The following LRRC69 variants were observed in gnomAD, a reference collection of about 807,000 sequenced individuals.
LRRC69 encodes leucine rich repeat containing 69, also known as leucine-rich repeat-containing protein 69.
Under a neutral mutation model 37.8 loss-of-function variants are expected in LRRC69, and 42 were observed. The observed-to-expected ratio is 1.11, with a 90% confidence interval of 0.87 to 1.44. The LOEUF is 1.44. Ranked by LOEUF, LRRC69 falls within the 40% of genes most tolerant of loss-of-function variation. The pLI is 0.00. For missense variants in LRRC69, 357 were observed against 401.9 expected (o/e 0.89, Z 0.96); for synonymous variants, 141 against 143.1 (o/e 0.99, Z 0.11).
chr8:91,112,267 G>T (rs571547606), intron 1 of LRRC69, among the ~76,000 whole-genome samples: 1 of 151,972 alleles, frequency 6.6e-6, no homozygotes, highest in South Asian at 2.1e-4. Context: ...CCAGCTCTGC[G>T]GCTGCTCTGC....
rs771986461 is a variant in LRRC69, at chr8:91,176,134, A to AT, written c.652-13376dup. Among the ~76,000 whole-genome samples, 55 of 75,704 alleles carry AT rather than the reference A, an allele frequency of 7.3e-4. 2 individuals are homozygous for AT. The highest frequency in any genetic ancestry group is 3.1e-3 in the African/African-American group (51 of 16,436). 49.7% of individuals were successfully genotyped at this position (75,704 alleles called of 152,430 possible). On this transcript the variant is annotated intron_variant, in intron 5 of 7. Transcript: ENST00000448384. The stretch of plus-strand genomic sequence containing the variant: ...ATCCCTCATATATATATATATATAT[A>AT]TTTTTTTTTTTTCTTTTTTTTGAGA...
intron 6 of LRRC69, among the ~76,000 whole-genome samples, chr8:91,194,732 C>A (rs533301356): frequency 4.6e-5 from 7 of 152,190 alleles, no homozygotes; most frequent in Non-Finnish European, 8.8e-5. Flanking sequence ...TTTGATTCTT[C>A]TTTTTTTCTT....
rs200415769 is a variant in LRRC69 at position 91,155,859 on chromosome 8, A to ATG, written c.651+20128_651+20129dup. ...AATAATATTCTTTTTGTGAATATGTATGTGTGTGTATATATATATATACAC... is the reference window on the plus strand; with the variant it reads ...AATAATATTCTTTTTGTGAATATGTATGTGTGTGTGTATATATATATATACAC... On this transcript the variant is annotated intron_variant, in intron 5 of 7. Transcript: ENST00000448384. Among the ~76,000 whole-genome samples, 974 of 138,974 alleles carry ATG rather than the reference A, an allele frequency of 7.0e-3. 18 individuals carry two copies. The highest frequency in any genetic ancestry group is 0.029 in the African/African-American group (943 of 32,232). The allele number at this position is 138,974 out of a possible 152,430, so 91.2% of individuals were successfully genotyped here.
chr8:91,189,092 G>T (rs1809449929), intron 5 of LRRC69, among the ~76,000 whole-genome samples: 1 of 152,098 alleles, frequency 6.6e-6, no homozygotes, highest in African/African-American at 2.4e-5. Flanking sequence ...AAACATAAAT[G>T]GATCATAAGA....
chr8:91,199,291 A>T (rs2130627021), intron 6 of LRRC69, among the ~76,000 whole-genome samples: 1 of 152,356 alleles, frequency 6.6e-6, no homozygotes, highest in East Asian at 1.9e-4. Context: ...ATTAGTGTGA[A>T]AGCATGACCT....
intron 3 of LRRC69, chr8:91,130,475 A>G (rs1813788464): frequency 2.0e-5 from 3 of 151,876 alleles, no homozygotes; most frequent in South Asian, 2.1e-4. Context: ...GGGTTTCGCC[A>G]TGTCTGCCAG....
At chr8:91,161,212 GTT>G (rs1428526954) in intron 5 of LRRC69, among the ~76,000 whole-genome samples, 1 of 150,994 alleles carries the variant, frequency 6.6e-6, no homozygotes, top group African/African-American at 2.4e-5. Flanking sequence ...TTTTTTTAAG[GTT>G]TTTGCATCTG....
At chr8:91,123,544 A>G (rs1813666571) in intron 1 of LRRC69, among the ~76,000 whole-genome samples, 1 of 152,002 alleles carries the variant, frequency 6.6e-6, no homozygotes, top group Non-Finnish European at 1.5e-5. Context: ...ACTAAGTGAC[A>G]TTTAAATATA....
At position 91,198,681 on chromosome 8, in the gene LRRC69, A is replaced by G. The variant is rs574646115; in HGVS notation, c.754-1932A>G. 2.6e-5 allele frequency among the ~76,000 whole-genome samples: 4 copies of G among 152,236 alleles called. No individual in the cohort carries two copies. The East Asian group carries it at 7.7e-4, about 29-fold the overall frequency. On this transcript the variant is annotated intron_variant, in intron 6 of 7. Transcript: ENST00000448384. ...GCATATAAGCTATCTAAAAGGAGCAATTTGAGTATTTTGAAATATTTTTAT... is the reference window on the plus strand; with the variant it reads ...GCATATAAGCTATCTAAAAGGAGCAGTTTGAGTATTTTGAAATATTTTTAT...
At chr8:91,197,406 T>C (rs191750236) in intron 6 of LRRC69, among the ~76,000 whole-genome samples, 1 of 152,290 alleles carries the variant, frequency 6.6e-6, no homozygotes, top group Admixed American at 6.5e-5. Context: ...GTTTACCTAA[T>C]CAAGCCTGGC....
chr8:91,210,546 G>GACACACACAC (rs1166789108), intron 7 of LRRC69, among the ~76,000 whole-genome samples: 1 of 112,754 alleles, frequency 8.9e-6, no homozygotes, highest in African/African-American at 3.8e-5. Flanking sequence ...TTTAAACACA[G>GACACACACAC]ACACACACAC....
chr8:91,176,134 A>ATATATATATATATTTTTTT, intron 5 of LRRC69, among the ~76,000 whole-genome samples: 19 of 75,690 alleles, frequency 2.5e-4, no homozygotes, highest in African/African-American at 9.1e-4. Context: ...ATATATATAT[A>ATATATATATATATTTTTTT]TTTTTTTTTT....
At chr8:91,174,233 C>A (rs1346937262) in intron 5 of LRRC69, among the ~76,000 whole-genome samples, 3 of 151,994 alleles carry the variant, frequency 2.0e-5, no homozygotes, top group Non-Finnish European at 2.9e-5. Flanking sequence ...AAGTCCAGTG[C>A]TTTGTCTAGT....
chr8:91,189,717 A>C (rs1459515819), intron 6 of LRRC69, 94 bp downstream of exon 6: 1 of 804,516 alleles, frequency 1.2e-6, no homozygotes, highest in African/African-American at 1.7e-5. Flanking sequence ...CCAAGCCAGC[A>C]AATGATTAAT....
intron 2 of LRRC69, among the ~76,000 whole-genome samples, chr8:91,125,223 G>A (rs964676326): frequency 1.3e-5 from 2 of 151,704 alleles, no homozygotes; most frequent in Non-Finnish European, 2.9e-5. Context: ...CTAATGTAAG[G>A]TACTTCACCA....
intron 6 of LRRC69, among the ~76,000 whole-genome samples, chr8:91,196,789 A>T (rs922285970): frequency 4.6e-5 from 7 of 151,758 alleles, no homozygotes; most frequent in Admixed American, 3.9e-4. Flanking sequence ...CTTTGGTTTG[A>T]ATGTCCTCCC....
chr8:91,197,476 T>C (rs1273795435), intron 6 of LRRC69, among the ~76,000 whole-genome samples: 3 of 151,916 alleles, frequency 2.0e-5, no homozygotes, highest in Non-Finnish European at 4.4e-5. Context: ...CTCAGACTGC[T>C]GTGCTAGCAA....
At chr8:91,179,505 A>G (rs992889879) in intron 5 of LRRC69, among the ~76,000 whole-genome samples, 1 of 152,208 alleles carries the variant, frequency 6.6e-6, no homozygotes, top group Non-Finnish European at 1.5e-5. Flanking sequence ...TTACAATTCT[A>G]CATGAGATTG....
intron 5 of LRRC69, among the ~76,000 whole-genome samples, chr8:91,174,819 G>T (rs911509118): frequency 6.6e-6 from 1 of 152,162 alleles, no homozygotes; most frequent in Admixed American, 6.5e-5. Flanking sequence ...TACAAGTATG[G>T]TTGAAAGAAC....
Sources: allele counts gnomAD v4.1 joint callset (sites outside exome capture counted in the v4.1 genomes callset), GRCh38; gene constraint gnomAD v4.1.1; transcripts MANE v1.5; gene names NCBI Gene and HGNC (gene_info 2026-07-23, HGNC 2026-07-21).